MTUS2: variants seen among roughly 807,000 people sequenced by gnomAD.
MTUS2 encodes the protein microtubule associated scaffold protein 2.
Under a neutral mutation model 114.1 loss-of-function variants are expected in MTUS2, and 40 were observed. That is an observed-to-expected ratio of 0.35 (90% CI 0.27 to 0.46). The LOEUF is 0.46. Ranked by LOEUF, MTUS2 falls within the 20% of genes least tolerant of loss-of-function variation. The probability of loss-of-function intolerance (pLI) is 1.00; values close to 1 mark genes in which losing one functional copy is unlikely to be tolerated. For synonymous variants in MTUS2, 688 were observed against 672.0 expected (o/e 1.02, Z -0.37); for missense variants, 1,679 against 1,705.4 (o/e 0.98, Z 0.27).
At chr13:28,875,500 A>G (rs374454572) in intron 2 of MTUS2, among the ~76,000 whole-genome samples, 1 of 152,188 alleles carries the variant, frequency 6.6e-6, no homozygotes, top group Non-Finnish European at 1.5e-5. Flanking sequence ...CTATGTCTTC[A>G]GTGTTCTGTA....
chr13:28,909,998 G>A (rs1368931186), intron 2 of MTUS2, among the ~76,000 whole-genome samples: 2 of 152,136 alleles, frequency 1.3e-5, no homozygotes, highest in East Asian at 1.9e-4. Flanking sequence ...AGAAAATGGG[G>A]TATCCGTTCC....
intron 10 of MTUS2, among the ~76,000 whole-genome samples, chr13:29,484,629 G>T (rs1486006953): frequency 6.6e-6 from 1 of 152,260 alleles, no homozygotes; most frequent in Non-Finnish European, 1.5e-5. Flanking sequence ...ATCTAAAAAG[G>T]AAAGTCATTA....
chr13:28,944,979 C>T (rs1003492002), intron 2 of MTUS2, among the ~76,000 whole-genome samples: 1 of 152,134 alleles, frequency 6.6e-6, no homozygotes, highest in Non-Finnish European at 1.5e-5. Context: ...CCCCTCCCAC[C>T]CTTAAAACCC....
intron 8 of MTUS2, among the ~76,000 whole-genome samples, chr13:29,366,929 G>A (rs942500998): frequency 2.0e-5 from 3 of 152,052 alleles, no homozygotes; most frequent in African/African-American, 7.2e-5. Context: ...AGTTTGTGAT[G>A]TGAGCCTCCC....
intron 8 of MTUS2, among the ~76,000 whole-genome samples, chr13:29,436,732 G>A (rs1443879893): frequency 2.0e-5 from 3 of 151,470 alleles, no homozygotes; most frequent in Non-Finnish European, 2.9e-5. Flanking sequence ...AAATGGAGAT[G>A]GTACAAGGTC....
chr13:28,938,346 A>G (rs1181816660), intron 2 of MTUS2, among the ~76,000 whole-genome samples: 1 of 151,120 alleles, frequency 6.6e-6, no homozygotes, highest in Non-Finnish European at 1.5e-5. Context: ...GTGCCACTGC[A>G]CTCCAGCCTG....
intron 6 of MTUS2, chr13:29,307,572 G>T: frequency 1.6e-6 from 2 of 1,240,720 alleles, no homozygotes; most frequent in Non-Finnish European, 2.4e-6. Flanking sequence ...TAAAGCAGGT[G>T]TCAGAGGGCC....
chr13:29,157,665 G>A (rs781685353), intron 5 of MTUS2, among the ~76,000 whole-genome samples: 6 of 152,082 alleles, frequency 3.9e-5, no homozygotes, highest in Admixed American at 2.0e-4. Context: ...CCGAAGTCTC[G>A]GGAGGAATAA....
chr13:29,127,642 T>A (rs191402233), intron 5 of MTUS2, among the ~76,000 whole-genome samples: 18 of 152,344 alleles, frequency 1.2e-4, no homozygotes, highest in Admixed American at 1.1e-3. Context: ...TTGAAATCTC[T>A]GTGCATGTGT....
intron 8 of MTUS2, among the ~76,000 whole-genome samples, chr13:29,432,965 T>A (rs1877119419): frequency 6.6e-6 from 1 of 152,218 alleles, no homozygotes; most frequent in South Asian, 2.1e-4. Flanking sequence ...TAGAGGAAGA[T>A]AGAATCCAGA....
chr13:29,142,297 G>A (rs1892256399), intron 5 of MTUS2, among the ~76,000 whole-genome samples: 1 of 152,152 alleles, frequency 6.6e-6, no homozygotes, highest in Non-Finnish European at 1.5e-5. Flanking sequence ...CCTTTAATAT[G>A]TCTGATTCAG....
intron 3 of MTUS2, among the ~76,000 whole-genome samples, chr13:29,028,414 G>T (rs1429217420): frequency 6.6e-6 from 1 of 152,068 alleles, no homozygotes; most frequent in African/African-American, 2.4e-5. Context: ...AGGTTGCTTG[G>T]AACACAAGCT....
chr13:29,448,282 G>C (rs1878429878), intron 9 of MTUS2, among the ~76,000 whole-genome samples: 1 of 152,198 alleles, frequency 6.6e-6, no homozygotes, highest in African/African-American at 2.4e-5. Context: ...TGGAAGGCCT[G>C]TTGATGTGAA....
chr13:29,143,058 G>A (rs983111538), intron 5 of MTUS2, among the ~76,000 whole-genome samples: 3 of 152,198 alleles, frequency 2.0e-5, no homozygotes, highest in Admixed American at 6.5e-5. Flanking sequence ...AAGCCAACAT[G>A]TTTGTATATT....
chr13:29,129,261 T>C (rs1236940585), intron 5 of MTUS2, among the ~76,000 whole-genome samples: 2 of 151,888 alleles, frequency 1.3e-5, no homozygotes, highest in Non-Finnish European at 2.9e-5. Flanking sequence ...CATTTAGCTC[T>C]GTTATTTGAG....
chr13:29,302,335 T>C (rs1022617099), intron 6 of MTUS2, among the ~76,000 whole-genome samples: 3 of 152,110 alleles, frequency 2.0e-5, no homozygotes, highest in Non-Finnish European at 4.4e-5. Context: ...GCTTCTCCCA[T>C]GGGTCTTTGC....
intron 8 of MTUS2, among the ~76,000 whole-genome samples, chr13:29,370,204 G>GT (rs1871086609): frequency 1.3e-5 from 2 of 151,910 alleles, no homozygotes; most frequent in African/African-American, 2.4e-5. Flanking sequence ...AGAGAAAATG[G>GT]TTTTTTAAAA....
intron 9 of MTUS2, among the ~76,000 whole-genome samples, chr13:29,450,142 C>G (rs1441696127): frequency 2.0e-5 from 3 of 152,172 alleles, no homozygotes; most frequent in African/African-American, 7.2e-5. Context: ...TGGGTCTGCT[C>G]TCTCTGGGGG....
chr13:29,326,398 A>C lies in MTUS2; in HGVS notation c.2905+1687A>C, dbSNP rs534505037. On this transcript the variant is annotated intron_variant, in intron 7 of 15. Coordinates refer to ENST00000612955, the MANE Select transcript of MTUS2 (RefSeq NM_001033602.4). ...AAATAAGGTCCTTATATTCTAGAGA[A>C]AGAGTAAAAATAATATGTAATTTTA... Among the ~76,000 whole-genome samples the C allele has an allele frequency of 2.0e-5, 3 of 152,350 alleles. No individual in the cohort carries two copies. The South Asian group carries it at 6.2e-4, about 32-fold the overall frequency.
Sources: gnomAD v4.1 joint callset for allele counts (sites outside exome capture counted in the v4.1 genomes callset) on GRCh38, gnomAD v4.1.1 for gene constraint, MANE v1.5 for transcripts, NCBI Gene and HGNC (gene_info 2026-07-23, HGNC 2026-07-21) for gene names.